Variants in SCYL3 observed in about 807,000 individuals in gnomAD.
SCYL3 encodes protein-associating with the carboxyl-terminal domain of ezrin.
A neutral mutation model predicts 73.8 loss-of-function variants in SCYL3; 35 were observed. The ratio of observed to expected loss-of-function variants is 0.47; its 90% CI spans 0.36 to 0.63. The LOEUF is 0.63. Ranked by LOEUF, SCYL3 falls within the 20% of genes least tolerant of loss-of-function variation. The pLI, the probability that SCYL3 is intolerant of heterozygous loss-of-function variation, is 0.00. For missense variants in SCYL3, 712 were observed against 798.9 expected (o/e 0.89, Z 1.31); for synonymous variants, 277 against 295.2 (o/e 0.94, Z 0.63).
rs770691014 is a variant in SCYL3, at chr1:169,852,979, C to G, written c.*734G>C. 1 of 1,613,744 alleles carries G rather than the reference C, an allele frequency of 6.2e-7. No individual in the cohort carries two copies. The highest frequency in any genetic ancestry group is 8.5e-7 in the Non-Finnish European group (1 of 1,179,836). ...TAAGCTAAAACGTTACATACATACT[C>G]TAGGGTGAAACTTATCACTAGGCAG... is the stretch of plus-strand genomic sequence containing the variant. On this transcript the variant is annotated 3_prime_UTR_variant, in exon 13 of 13. Transcript: ENST00000367771.
chr1:169,860,672 C>T (rs939557436), intron 10 of SCYL3, among the ~76,000 whole-genome samples: 4 of 152,204 alleles, frequency 2.6e-5, no homozygotes, highest in Non-Finnish European at 5.9e-5. Flanking sequence ...GAGTTCTGCC[C>T]ACTGAATATG....
intron 5 of SCYL3, 149 bp from the exon 6 acceptor site, chr1:169,870,506 A>G: frequency 1.7e-6 from 1 of 600,526 alleles, no homozygotes; most frequent in Non-Finnish European, 2.9e-6. Context: ...TCTTAACACT[A>G]TTAGTGAATA....
At chr1:169,869,095 C>A in intron 6 of SCYL3, 56 bp from the exon 7 acceptor site, 1 of 1,424,344 alleles carries the variant, frequency 7.0e-7, no homozygotes, top group Admixed American at 1.8e-5. Flanking sequence ...TTCAGGACCT[C>A]TATAGCTGGA....
rs61051062 is a variant in SCYL3 at position 169,876,958 on chromosome 1, T to TAAAA, written c.352-871_352-868dup. Among the ~76,000 whole-genome samples, 333 of 76,466 alleles carry TAAAA rather than the reference T, an allele frequency of 4.4e-3. 8 individuals are homozygous for TAAAA. The highest frequency in any genetic ancestry group is 6.0e-3 in the African/African-American group (113 of 18,960). The allele number at this position is 76,466 out of a possible 152,430, so 50.2% of individuals were successfully genotyped here. A position where few individuals can be genotyped will look rare whatever the true frequency, so the allele number is the denominator to read the frequency against. ...CGACAGAGTGAGACCTTGTCTCAAA[T>TAAAA]AAAAAAAAAAAAAAAAAAAAAAAAA... On this transcript the variant is annotated intron_variant, in intron 3 of 12. Coordinates refer to ENST00000367771, the MANE Select transcript of SCYL3 (RefSeq NM_020423.7).
At chr1:169,885,769 T>A (rs1226827745) in intron 2 of SCYL3, among the ~76,000 whole-genome samples, 1 of 152,166 alleles carries the variant, frequency 6.6e-6, no homozygotes, top group Non-Finnish European at 1.5e-5. Context: ...GATCTGGAGC[T>A]CAGACTAGAG....
rs1435731236 is a variant in SCYL3, at chr1:169,878,721, CA to C, written c.263del (p.Leu88ArgfsTer33). 6.2e-7 allele frequency: 1 copy of C among 1,614,058 alleles called. No individual in the cohort carries two copies. Among genetic ancestry groups the C allele is most frequent in the African/African-American group, 1.3e-5 (1 of 75,040 alleles). ...AAGACAATGTTTCCAAAGCCACTTC[CA>C]GGGGCTGTACTCGCTCAGTGACAAG... is the stretch of plus-strand genomic sequence containing the variant. ...IHLVTERVQP[L>X]EVALETLSSA... On this transcript the variant is annotated frameshift_variant, in exon 3 of 13. Transcript: ENST00000367771. LOFTEE classifies it high-confidence loss of function.
chr1:169,863,807 C>T (rs1260203094), intron 9 of SCYL3, among the ~76,000 whole-genome samples: 1 of 152,162 alleles, frequency 6.6e-6, no homozygotes, highest in East Asian at 1.9e-4. Flanking sequence ...ACTGAGATCC[C>T]TTTAAGAAAA....
intron 2 of SCYL3, among the ~76,000 whole-genome samples, chr1:169,886,478 G>A (rs1351956934): frequency 6.6e-6 from 1 of 152,182 alleles, no homozygotes; most frequent in Non-Finnish European, 1.5e-5. Flanking sequence ...TTATGGGGAA[G>A]AGCATAATGA....
intron 2 of SCYL3, among the ~76,000 whole-genome samples, chr1:169,882,774 CTG>C (rs1170129579): frequency 6.6e-6 from 1 of 152,096 alleles, no homozygotes; most frequent in Non-Finnish European, 1.5e-5. Context: ...TGTCCACACT[CTG>C]TATCTAGCTA....
intron 11 of SCYL3, among the ~76,000 whole-genome samples, chr1:169,857,351 C>T (rs1293019125): frequency 8.5e-5 from 13 of 152,204 alleles, no homozygotes; most frequent in Admixed American, 7.9e-4. Flanking sequence ...TAAATATAAT[C>T]TATGCATATC....
At chr1:169,890,691 T>G (rs1662022144) in intron 1 of SCYL3, among the ~76,000 whole-genome samples, 1 of 152,256 alleles carries the variant, frequency 6.6e-6, no homozygotes, top group African/African-American at 2.4e-5. Context: ...CTAAAAATGT[T>G]GCTGAGAATA....
chr1:169,854,459 G>A lies in SCYL3; in HGVS notation c.1818C>T (p.Thr606=). Residue 606 remains threonine, a synonymous_variant, in exon 12 of 13, where the codon ACC becomes ACT. Coordinates refer to ENST00000367771, the MANE Select transcript of SCYL3 (RefSeq NM_020423.7). ...TTACTGGCTTCTTTTTTACTTGAAT[G>A]GTGAATTCCTCTCCTAAACCAAGTT... The part of the protein sequence containing the change: ...PSELGLGEEF[T]IQVKKKPVKD... 1 of 1,614,000 alleles carries A rather than the reference G, an allele frequency of 6.2e-7. No individual in the cohort carries two copies.
At chr1:169,870,084 C>A (rs1183371123) in intron 6 of SCYL3, among the ~76,000 whole-genome samples, 171 bp downstream of exon 6, 1 of 152,160 alleles carries the variant, frequency 6.6e-6, no homozygotes, top group East Asian at 1.9e-4. Context: ...ACTAATGAAA[C>A]CCAAAGCTTC....
At chr1:169,887,171 C>T (rs1661741824) in intron 2 of SCYL3, among the ~76,000 whole-genome samples, 1 of 152,104 alleles carries the variant, frequency 6.6e-6, no homozygotes, top group East Asian at 1.9e-4. Context: ...ATGAGGTTTT[C>T]AAAGCCACAG....
At chr1:169,893,216 G>A (rs1380648319) in intron 1 of SCYL3, among the ~76,000 whole-genome samples, 3 of 152,332 alleles carry the variant, frequency 2.0e-5, no homozygotes, top group African/African-American at 7.2e-5. Flanking sequence ...GCTCTTCCGA[G>A]AAATGTTTCA....
chr1:169,868,843 A>AC, intron 7 of SCYL3, 85 bp downstream of exon 7: 1 of 869,368 alleles, frequency 1.2e-6, no homozygotes, highest in South Asian at 1.5e-5. Flanking sequence ...TCCTCCAAAA[A>AC]CCCCCCACTG....
At position 169,888,743 on chromosome 1, in the gene SCYL3, T is replaced by G; in HGVS notation, c.98A>C (p.Asp33Ala). 1 of 1,614,098 alleles carries G rather than the reference T, an allele frequency of 6.2e-7. No individual in the cohort carries two copies. Among genetic ancestry groups the G allele is most frequent in the South Asian group, 1.1e-5 (1 of 91,068 alleles). ...CACAAAAACTGAAGCAAATTTGCCA[T>G]CTTGCAGTACAGCGGGATAAACAGC... ...GLAVYPAVLQ[D>A]GKFASVFVYK... Residue 33 changes from aspartate to alanine, a missense_variant, in exon 2 of 13, where the codon GAT becomes GCT. Physicochemically the swap from Asp to Ala is moderately radical, Grantham distance 126. Transcript: ENST00000367771.
At chr1:169,870,903 T>C (rs747904447) in intron 5 of SCYL3, among the ~76,000 whole-genome samples, 35 of 152,204 alleles carry the variant, frequency 2.3e-4, no homozygotes, top group Non-Finnish European at 4.9e-4. Context: ...CTTAAGTTTA[T>C]AGTTGAGTTC....
intron 11 of SCYL3, among the ~76,000 whole-genome samples, chr1:169,857,929 AG>A (rs1006990031): frequency 3.0e-4 from 46 of 152,322 alleles, no homozygotes; most frequent in Non-Finnish European, 6.3e-4. Flanking sequence ...AACATAGAAA[AG>A]TAAAAATATA....
Sources: gnomAD v4.1 joint callset for allele counts (sites outside exome capture counted in the v4.1 genomes callset) on GRCh38, gnomAD v4.1.1 for gene constraint, MANE v1.5 for transcripts, NCBI Gene and HGNC (gene_info 2026-07-23, HGNC 2026-07-21) for gene names.